The following NCKAP1 variants were observed in gnomAD, a reference collection of about 807,000 sequenced individuals.
The protein encoded by NCKAP1 is NCK associated protein 1.
Under a neutral mutation model 151.2 loss-of-function variants are expected in NCKAP1, and 21 were observed. The ratio of observed to expected loss-of-function variants is 0.14; its 90% CI spans 0.10 to 0.20. The LOEUF (loss-of-function observed/expected upper bound fraction) is 0.20, where lower values mean the gene tolerates loss of function less well. Among genes scored for constraint, NCKAP1 ranks in the 10% least tolerant of loss-of-function variants. The pLI, the probability that NCKAP1 is intolerant of heterozygous loss-of-function variation, is 1.00. For missense variants in NCKAP1, 933 were observed against 1,352.1 expected (o/e 0.69, Z 4.86); for synonymous variants, 484 against 451.8 (o/e 1.07, Z -0.90).
chr2:182,921,366 C>A lies in NCKAP1; in HGVS notation c.*4336G>T, dbSNP rs923055468. ...TTGGTGAAATAATTTCAAGCCTTAG[C>A]CATTGGCATTTGGTCAGTATGTGTA... On this transcript the variant is annotated 3_prime_UTR_variant, in exon 31 of 31. Coordinates refer to ENST00000361354, the MANE Select transcript of NCKAP1 (RefSeq NM_013436.5). The A allele has an allele frequency of 6.6e-6, 1 of 152,088 alleles. No homozygotes were observed. The highest frequency in any genetic ancestry group is 1.5e-5 in the Non-Finnish European group (1 of 68,024). 9.4% of individuals were successfully genotyped at this position (152,088 alleles called of 1,614,324 possible). A position where few individuals can be genotyped will look rare whatever the true frequency, so the allele number is the denominator to read the frequency against.
intron 2 of NCKAP1, among the ~76,000 whole-genome samples, chr2:183,016,953 GT>G (rs1223772188): frequency 2.0e-5 from 3 of 152,128 alleles, no homozygotes; most frequent in Non-Finnish European, 2.9e-5. Flanking sequence ...TAAATGACCA[GT>G]TTGATATTTT....
At chr2:183,016,559 C>T (rs1284219368) in intron 2 of NCKAP1, among the ~76,000 whole-genome samples, 2 of 152,102 alleles carry the variant, frequency 1.3e-5, no homozygotes, top group Non-Finnish European at 2.9e-5. Flanking sequence ...TCCATTAGGG[C>T]ATATATATTT....
chr2:182,972,161 G>C, intron 15 of NCKAP1, among the ~76,000 whole-genome samples: 1 of 125,854 alleles, frequency 7.9e-6, no homozygotes, highest in Non-Finnish European at 1.6e-5. Flanking sequence ...AAATATCTAC[G>C]AACTATTCAA....
chr2:182,981,064 C>T (rs370389147), intron 13 of NCKAP1, among the ~76,000 whole-genome samples, 180 bp downstream of exon 13: 4 of 152,290 alleles, frequency 2.6e-5, no homozygotes, highest in African/African-American at 9.6e-5. Context: ...ATGCATAACA[C>T]CTATCACATT....
At position 182,967,320 on chromosome 2, in the gene NCKAP1, A is replaced by T; in HGVS notation, c.1524T>A (p.Asp508Glu). 2 of 1,611,922 alleles carry T rather than the reference A, an allele frequency of 1.2e-6. No homozygotes were observed. Among genetic ancestry groups the T allele is most frequent in the Non-Finnish European group, 1.7e-6 (2 of 1,178,946 alleles). Residue 508 changes from aspartate (D) to glutamate (E), a missense_variant, in exon 16 of 31, where the codon GAT (aspartate) becomes GAA (glutamate). Around this residue, in one of 2 missense-constraint regions of NCKAP1, gnomAD observed 607 missense variants for 795.0 expected, o/e 0.76. Transcript: ENST00000361354. ...TCATCATCTTTCCAAGTTCTCTGTG[A>T]TCTGCAAGGCCAAGTGAAGCCTTTG... ...SVSKASLGLA[D>E]HRELGKMMNT...
At chr2:182,976,434 G>A (rs956960830) in intron 15 of NCKAP1, among the ~76,000 whole-genome samples, 1 of 152,186 alleles carries the variant, frequency 6.6e-6, no homozygotes, top group East Asian at 1.9e-4. Flanking sequence ...TGCCCATTAA[G>A]TTATGTATTG....
At chr2:182,932,786 G>T (rs538081652) in intron 26 of NCKAP1, among the ~76,000 whole-genome samples, 1 of 151,990 alleles carries the variant, frequency 6.6e-6, no homozygotes, top group Non-Finnish European at 1.5e-5. Context: ...CTGCACATCA[G>T]TGTCTTCTCA....
chr2:182,952,652 A>G, intron 22 of NCKAP1, 141 bp downstream of exon 22: 1 of 1,143,242 alleles, frequency 8.7e-7, no homozygotes, highest in Non-Finnish European at 1.2e-6. Context: ...AAAATGCAAA[A>G]GTAATTCTAA....
chr2:182,993,964 C>T (rs1249498442), intron 8 of NCKAP1, among the ~76,000 whole-genome samples: 2 of 152,140 alleles, frequency 1.3e-5, no homozygotes, highest in African/African-American at 4.8e-5. Context: ...TGGGTGTTCA[C>T]TCTACAATTA....
chr2:182,955,088 C>G (rs1697297678), intron 20 of NCKAP1, among the ~76,000 whole-genome samples: 1 of 152,162 alleles, frequency 6.6e-6, no homozygotes, highest in Non-Finnish European at 1.5e-5. Context: ...GCCTGACTTA[C>G]TAAGGAGAAC....
At chr2:182,991,849 A>G (rs1698176869) in intron 8 of NCKAP1, among the ~76,000 whole-genome samples, 1 of 152,184 alleles carries the variant, frequency 6.6e-6, no homozygotes, top group Non-Finnish European at 1.5e-5. Context: ...TCCCAAGTCC[A>G]ATCAACAGAC....
At chr2:182,957,306 C>A in intron 19 of NCKAP1, 151 bp downstream of exon 19, 2 of 807,652 alleles carry the variant, frequency 2.5e-6, no homozygotes, top group Non-Finnish European at 3.5e-6. Context: ...AAGCAACTAA[C>A]AGGTTAATTA....
At chr2:183,004,521 A>G (rs1374645827) in intron 2 of NCKAP1, among the ~76,000 whole-genome samples, 1 of 150,470 alleles carries the variant, frequency 6.6e-6, no homozygotes, top group Admixed American at 6.6e-5. Flanking sequence ...CAAGCACAGC[A>G]GTCTGGAAGA....
intron 8 of NCKAP1, among the ~76,000 whole-genome samples, chr2:182,990,416 A>C (rs1698143856): frequency 6.6e-6 from 1 of 152,226 alleles, no homozygotes; most frequent in African/African-American, 2.4e-5. Flanking sequence ...GCTAGGACTT[A>C]GCCCCAATTA....
chr2:182,963,766 T>C (rs1269327573), intron 17 of NCKAP1, among the ~76,000 whole-genome samples: 3 of 152,104 alleles, frequency 2.0e-5, no homozygotes, highest in Non-Finnish European at 4.4e-5. Flanking sequence ...GTGTCAAGTT[T>C]GGGAGAAAAA....
chr2:183,034,650 C>T (rs1699068996), intron 1 of NCKAP1, among the ~76,000 whole-genome samples: 1 of 152,122 alleles, frequency 6.6e-6, no homozygotes, highest in Admixed American at 6.5e-5. Flanking sequence ...AAAAGAGATG[C>T]TCAGATTCCT....
chr2:182,983,868 ACT>A (rs1697992657), intron 10 of NCKAP1, among the ~76,000 whole-genome samples: 1 of 152,104 alleles, frequency 6.6e-6, no homozygotes, highest in African/African-American at 2.4e-5. Flanking sequence ...CTCCGTCTCT[ACT>A]AAAAATACAA....
chr2:182,926,633 A>T (rs1696653571), intron 30 of NCKAP1, among the ~76,000 whole-genome samples, 183 bp downstream of exon 30: 1 of 152,072 alleles, frequency 6.6e-6, no homozygotes, highest in Admixed American at 6.6e-5. Context: ...TTATCTTCTG[A>T]TATTACCGAA....
At chr2:182,958,981 T>C (rs1050095043) in intron 18 of NCKAP1, among the ~76,000 whole-genome samples, 2 of 152,196 alleles carry the variant, frequency 1.3e-5, no homozygotes, top group Non-Finnish European at 2.9e-5. Context: ...TTTTGGGGTA[T>C]ATAGGGTTGA....
Sources: allele counts gnomAD v4.1 joint callset (sites outside exome capture counted in the v4.1 genomes callset), GRCh38; gene constraint gnomAD v4.1.1; regional missense constraint gnomAD v4.1.1; transcripts MANE v1.5; gene names NCBI Gene and HGNC (gene_info 2026-07-23, HGNC 2026-07-21).